FRRS1: variants seen among roughly 807,000 people sequenced by gnomAD.
The protein encoded by FRRS1 is ferric chelate reductase 1.
A neutral mutation model predicts 70.7 loss-of-function variants in FRRS1; 51 were observed. The observed-to-expected ratio is 0.72, with a 90% CI of 0.58 to 0.91. The LOEUF (loss-of-function observed/expected upper bound fraction) is 0.91, where lower values mean the gene tolerates loss of function less well. Among genes scored for constraint, FRRS1 ranks in the 40% least tolerant of loss-of-function variants. The pLI, the probability that FRRS1 is intolerant of heterozygous loss-of-function variation, is 0.00. For synonymous variants in FRRS1, 225 were observed against 238.7 expected (o/e 0.94, Z 0.53); for missense variants, 672 against 726.0 (o/e 0.93, Z 0.86).
intron 7 of FRRS1, among the ~76,000 whole-genome samples, chr1:99,733,545 C>T (rs1472586302): frequency 6.6e-6 from 1 of 152,190 alleles, no homozygotes; most frequent in Non-Finnish European, 1.5e-5. Flanking sequence ...GGCACAGAAG[C>T]CTGCTTGAAA....
At position 99,719,591 on chromosome 1, in the gene FRRS1, T is replaced by G; in HGVS notation, c.1063A>C (p.Thr355Pro). ...CCTCCTATGTTCTTTGGAGAGTCTG[T>G]CACATCATATTTTTCATAGGTAATC... The part of the protein sequence containing the change: ...PLITYEKYDV[T>P]DSPKNIGGSH... Residue 355 changes from threonine to proline, a missense_variant, in exon 10 of 17, where the codon ACA (threonine) becomes CCA (proline). Transcript: ENST00000646001. 6.2e-7 allele frequency: 1 copy of G among 1,612,250 alleles called. No individual in the cohort carries two copies. Among genetic ancestry groups the G allele is most frequent in the Non-Finnish European group, 8.5e-7 (1 of 1,178,476 alleles).
intron 7 of FRRS1, among the ~76,000 whole-genome samples, chr1:99,730,597 G>A (rs898936906): frequency 6.6e-6 from 1 of 152,160 alleles, no homozygotes; most frequent in African/African-American, 2.4e-5. Context: ...GCCGGGCGAG[G>A]TGGCTCACGC....
intron 9 of FRRS1, among the ~76,000 whole-genome samples, chr1:99,720,951 C>T (rs910072903): frequency 2.0e-5 from 3 of 149,484 alleles, no homozygotes; most frequent in South Asian, 2.1e-4. Context: ...AAAAAAAGAT[C>T]GATTAAAAAT....
In FRRS1 at chr1:99,759,095, C is replaced by T. The variant is rs147449580; in HGVS notation, c.-106+7512G>A. 6.5e-3 allele frequency among the ~76,000 whole-genome samples: 995 copies of T among 152,270 alleles called. 8 individuals are homozygous for T. Among genetic ancestry groups the T allele is most frequent in the African/African-American group, 0.023 (956 of 41,538 alleles). On this transcript the variant is annotated intron_variant, in intron 1 of 16. Coordinates refer to ENST00000646001, the MANE Select transcript of FRRS1 (RefSeq NM_001361041.2). ...CCTTATCAGTAGTTCTGCTTTTGCC[C>T]TTTGTCCTGTTCCCTCAGAAGCATG...
chr1:99,735,943 T>A (rs994900378), intron 7 of FRRS1, among the ~76,000 whole-genome samples: 1 of 151,684 alleles, frequency 6.6e-6, no homozygotes, highest in Non-Finnish European at 1.5e-5. Flanking sequence ...ATAAGTTGGA[T>A]TTTTTTTTAA....
chr1:99,760,477 A>G (rs1334496417), intron 1 of FRRS1, among the ~76,000 whole-genome samples: 1 of 152,234 alleles, frequency 6.6e-6, no homozygotes, highest in Admixed American at 6.5e-5. Context: ...CCCCAGATAA[A>G]AATGTTTCAG....
At chr1:99,709,529 G>A (rs1309170736) in intron 15 of FRRS1, among the ~76,000 whole-genome samples, 2 of 152,144 alleles carry the variant, frequency 1.3e-5, no homozygotes, top group East Asian at 1.9e-4. Flanking sequence ...TAAGCTCTTT[G>A]GTTTTATTTT....
At chr1:99,738,471 A>C (rs966579914) in intron 6 of FRRS1, among the ~76,000 whole-genome samples, 3 of 152,244 alleles carry the variant, frequency 2.0e-5, no homozygotes, top group African/African-American at 7.2e-5. Flanking sequence ...TGAACTTTTA[A>C]ACTTAATTAA....
chr1:99,726,334 C>A (rs984012803), intron 9 of FRRS1, among the ~76,000 whole-genome samples: 1 of 152,144 alleles, frequency 6.6e-6, no homozygotes, highest in Non-Finnish European at 1.5e-5. Context: ...CATAAATTAC[C>A]CAGTCTCGGG....
At chr1:99,719,730 T>G (rs902480668) in intron 9 of FRRS1, 83 bp from the exon 10 acceptor site, 1 of 721,012 alleles carries the variant, frequency 1.4e-6, no homozygotes, top group South Asian at 1.6e-5. Context: ...GGGCAGGGCA[T>G]GGCAACAAAA....
chr1:99,705,466 T>G lies in FRRS1; in HGVS notation c.*3562A>C, dbSNP rs1306056657. On this transcript the variant is annotated 3_prime_UTR_variant, in exon 17 of 17. Coordinates refer to ENST00000646001, the MANE Select transcript of FRRS1 (RefSeq NM_001361041.2). ...AATGGATTATCTTAAACAAGGACCTTTGTTCTTTTTTTCCCTGCCTCATGA... is the reference window on the plus strand; with the variant it reads ...AATGGATTATCTTAAACAAGGACCTGTGTTCTTTTTTTCCCTGCCTCATGA... Among the ~76,000 whole-genome samples, 1 of 152,172 alleles carries G rather than the reference T, an allele frequency of 6.6e-6. No homozygotes were observed. Among genetic ancestry groups the G allele is most frequent in the East Asian group, 1.9e-4 (1 of 5,196 alleles).
chr1:99,738,930 G>GA lies in FRRS1; in HGVS notation c.577-663dup, dbSNP rs901525669. ...AAGGAATATAAGACGAAGAGTCTTA[G>GA]AAAAAAAAATCAGCTGTATAATCTG... On this transcript the variant is annotated intron_variant, in intron 6 of 16. Coordinates refer to ENST00000646001, the MANE Select transcript of FRRS1 (RefSeq NM_001361041.2). 9.2e-5 allele frequency among the ~76,000 whole-genome samples: 14 copies of GA among 151,438 alleles called. No homozygotes were observed. In the South Asian group the frequency reaches 1.5e-3, roughly 16 times the overall value.
At chr1:99,736,466 T>C (rs1056924422) in intron 7 of FRRS1, among the ~76,000 whole-genome samples, 2 of 152,114 alleles carry the variant, frequency 1.3e-5, no homozygotes, top group African/African-American at 4.8e-5. Flanking sequence ...ATGTAGGTCA[T>C]ATATACATAC....
intron 4 of FRRS1, among the ~76,000 whole-genome samples, chr1:99,744,336 T>A (rs1656128454): frequency 6.6e-6 from 1 of 152,198 alleles, no homozygotes; most frequent in Non-Finnish European, 1.5e-5. Context: ...CAAAGGATAG[T>A]TTGATAATTT....
chr1:99,763,639 C>T (rs1557712584), intron 1 of FRRS1, among the ~76,000 whole-genome samples: 1 of 152,052 alleles, frequency 6.6e-6, no homozygotes, highest in African/African-American at 2.4e-5. Context: ...GAGGCCCAGG[C>T]GGGCAGATCA....
intron 4 of FRRS1, 107 bp from the exon 5 acceptor site, chr1:99,742,380 C>G (rs1325184395): frequency 1.5e-6 from 1 of 672,008 alleles, no homozygotes; most frequent in African/African-American, 1.8e-5. Flanking sequence ...CATTAGCATT[C>G]TGGTGAAGAC....
intron 1 of FRRS1, among the ~76,000 whole-genome samples, chr1:99,760,822 G>C (rs1657080860): frequency 6.6e-6 from 1 of 151,764 alleles, no homozygotes. Flanking sequence ...GCTAATTTTT[G>C]TATTTTTGGT....
rs1654131475 is a variant in FRRS1 at position 99,708,661 on chromosome 1, TA to T, written c.*366del. 3 of 134,558 alleles carry T rather than the reference TA, an allele frequency of 2.2e-5. No individual in the cohort carries two copies. Among genetic ancestry groups the T allele is most frequent in the Non-Finnish European group, 4.4e-5 (3 of 67,704 alleles). 8.3% of individuals were successfully genotyped at this position (134,558 alleles called of 1,614,324 possible). ...ATATATATATATATATATATATATA[TA>T]TCGTAATATATCTCTTTATTATCCT... is the stretch of plus-strand genomic sequence containing the variant. On this transcript the variant is annotated 3_prime_UTR_variant, in exon 17 of 17. Transcript: ENST00000646001.
intron 9 of FRRS1, among the ~76,000 whole-genome samples, chr1:99,723,086 A>AATATATATATATATATATATATAT (rs983536590): frequency 7.9e-5 from 12 of 152,238 alleles, no homozygotes; most frequent in African/African-American, 2.7e-4. Context: ...AAAGTAACCA[A>AATATATATATATATATATATATAT]ATATATATGC....
Sources: gnomAD v4.1 joint callset for allele counts (sites outside exome capture counted in the v4.1 genomes callset) on GRCh38, gnomAD v4.1.1 for gene constraint, MANE v1.5 for transcripts, NCBI Gene and HGNC (gene_info 2026-07-23, HGNC 2026-07-21) for gene names.